Variants in HTT observed in about 807,000 individuals in gnomAD.
The protein encoded by HTT is huntingtin.
HTT carries 104 observed loss-of-function variants against 362.3 expected under a neutral mutation model. The observed-to-expected ratio is 0.29, with a 90% CI of 0.24 to 0.34. The LOEUF is 0.34. HTT is among the 10% of genes least tolerant of loss of function. The probability of loss-of-function intolerance (pLI) is 1.00; values close to 1 mark genes in which losing one functional copy is unlikely to be tolerated. For missense variants in HTT, 3,301 were observed against 3,928.6 expected (o/e 0.84, Z 4.27); for synonymous variants, 1,577 against 1,548.7 (o/e 1.02, Z -0.43).
At chr4:3,077,482 C>A (rs1390169517) in intron 1 of HTT, among the ~76,000 whole-genome samples, 1 of 152,128 alleles carries the variant, frequency 6.6e-6, no homozygotes, top group Non-Finnish European at 1.5e-5. Flanking sequence ...TGCAGTGATA[C>A]AATCTCGGCT....
At chr4:3,216,081 A>G (rs1186743167) in intron 51 of HTT, among the ~76,000 whole-genome samples, 1 of 152,196 alleles carries the variant, frequency 6.6e-6, no homozygotes, top group African/African-American at 2.4e-5. Flanking sequence ...TTCAATCATG[A>G]GTGCACCAGT....
intron 1 of HTT, among the ~76,000 whole-genome samples, chr4:3,077,071 G>C (rs1192021651): frequency 6.6e-6 from 1 of 152,040 alleles, no homozygotes; most frequent in African/African-American, 2.4e-5. Flanking sequence ...CAAGCTACCT[G>C]GGAGGCTGAG....
intron 8 of HTT, among the ~76,000 whole-genome samples, chr4:3,119,589 G>A (rs1487377139): frequency 6.6e-6 from 1 of 152,180 alleles, no homozygotes; most frequent in Non-Finnish European, 1.5e-5. Flanking sequence ...TGATGTGTAA[G>A]ATACATACTG....
chr4:3,239,008 C>T (rs1721680228), intron 66 of HTT, 30 bp downstream of exon 66: 1 of 1,580,064 alleles, frequency 6.3e-7, no homozygotes, highest in Non-Finnish European at 8.6e-7. Context: ...GGTGCTGGCC[C>T]CGTTTCCCTT....
Position 3,206,710 on chromosome 4 carries a change from A to G in HTT, c.5898+35A>G, listed in dbSNP as rs746087672. ...CATCCTGCCGACTATTGCCAGTTGC[A>G]GTTTTCCCTGCCTTAAAAATGGAGT... On this transcript the variant is annotated intron_variant, in intron 43 of 66. Transcript: ENST00000355072. The surrounding 1 kb of genome is among the most constrained non-coding windows in gnomAD (Gnocchi z 4.6). 5.6e-6 allele frequency: 9 copies of G among 1,596,652 alleles called. No individual in the cohort carries two copies. The African/African-American group carries it at 1.2e-4, about 21-fold the overall frequency.
Position 3,143,029 on chromosome 4 carries a change from C to T in HTT, c.3066+143C>T, listed in dbSNP as rs554883309. 1.6e-5 allele frequency: 10 copies of T among 607,742 alleles called. No homozygotes were observed. In the East Asian group the frequency reaches 2.7e-4, roughly 16 times the overall value. The allele number at this position is 607,742 out of a possible 1,614,324, so 37.6% of individuals were successfully genotyped here. ...CCATGAGGCTTGCTAAGAAATTGTG[C>T]TTCTGTGAAAAGAATCTCAGCTTAC... On this transcript the variant is annotated intron_variant, in intron 23 of 66. Coordinates refer to ENST00000355072, the MANE Select transcript of HTT (RefSeq NM_001388492.1).
intron 6 of HTT, among the ~76,000 whole-genome samples, chr4:3,107,951 G>A (rs1714522863): frequency 6.6e-6 from 1 of 152,228 alleles, no homozygotes. Context: ...TGGTAGGTCA[G>A]TCCTGGGTTT....
chr4:3,146,737 GAAGACTGTTGT>G, intron 24 of HTT, 49 bp from the exon 25 acceptor site: 1 of 1,487,526 alleles, frequency 6.7e-7, no homozygotes, highest in Non-Finnish European at 9.4e-7. Flanking sequence ...CAAGAGAAAG[GAAGACTGTTGT>G]TTGCTTAAAA....
At chr4:3,176,672 C>A (rs1241837194) in intron 33 of HTT, among the ~76,000 whole-genome samples, 5 of 152,176 alleles carry the variant, frequency 3.3e-5, no homozygotes, top group Non-Finnish European at 7.3e-5. Flanking sequence ...ATCAACCGGT[C>A]CCCTTTCTCC....
At position 3,165,065 on chromosome 4, in the gene HTT, G is replaced by A. The variant is rs1179974270; in HGVS notation, c.3864+4673G>A. On this transcript the variant is annotated intron_variant, in intron 29 of 66. Coordinates refer to ENST00000355072, the MANE Select transcript of HTT (RefSeq NM_001388492.1). ...GTTTTTGCAGTGGCTGGTACTGGTT[G>A]TTCCTTTCCATGTTTAGTGCTTCCT... Among the ~76,000 whole-genome samples, 4 of 152,286 alleles carry A rather than the reference G, an allele frequency of 2.6e-5. No homozygotes were observed. In the East Asian group the frequency reaches 7.7e-4, roughly 29 times the overall value.
intron 6 of HTT, 29 bp downstream of exon 6, chr4:3,107,452 T>A: frequency 6.2e-7 from 1 of 1,612,414 alleles, no homozygotes; most frequent in Non-Finnish European, 8.5e-7. Context: ...GTCACAAACA[T>A]GCGAGTGATG....
intron 45 of HTT, among the ~76,000 whole-genome samples, chr4:3,207,977 A>T (rs1374962287): frequency 6.6e-6 from 1 of 152,116 alleles, no homozygotes; most frequent in East Asian, 1.9e-4. Context: ...GGAGAGAGAG[A>T]CAGCAGAGAA....
chr4:3,226,765 A>G (rs2237006), intron 57 of HTT, among the ~76,000 whole-genome samples: 60,180 of 152,186 alleles, frequency 0.4, 12,283 homozygotes, highest in Non-Finnish European at 0.42. Flanking sequence ...CAGCCTTCAC[A>G]GCAGAAACCC....
intron 40 of HTT, among the ~76,000 whole-genome samples, chr4:3,197,637 A>G (rs1447874838): frequency 1.3e-5 from 2 of 152,032 alleles, no homozygotes; most frequent in Non-Finnish European, 2.9e-5. Context: ...GCTCCTTATT[A>G]CAGCCCTGCG....
In HTT at chr4:3,243,605, G is replaced by A. The variant is rs527239965; in HGVS notation, c.*3546G>A. ...CCTGTCACGCTCTGGTGCAGTCAAA[G>A]GAACGCCTTCCCCTCAGTTGTTTCT... On this transcript the variant is annotated 3_prime_UTR_variant, in exon 67 of 67. Coordinates refer to ENST00000355072, the MANE Select transcript of HTT (RefSeq NM_001388492.1). 2.0e-5 allele frequency: 3 copies of A among 152,398 alleles called. No individual in the cohort carries two copies. The highest frequency in any genetic ancestry group is 2.0e-4 in the Admixed American group (3 of 15,302). The allele number at this position is 152,398 out of a possible 1,614,324, so 9.4% of individuals were successfully genotyped here. A position where few individuals can be genotyped will look rare whatever the true frequency, so the allele number is the denominator to read the frequency against.
Position 3,130,409 on chromosome 4 carries a change from G to A in HTT, c.1972G>A (p.Asp658Asn), listed in dbSNP as rs1715752151. 6.3e-7 allele frequency: 1 copy of A among 1,591,800 alleles called. No individual in the cohort carries two copies. Among genetic ancestry groups the A allele is most frequent in the Non-Finnish European group, 8.6e-7 (1 of 1,165,032 alleles). The change falls in exon 14 of 67, where the codon GAT (aspartate) becomes AAT (asparagine). Residue 658 changes from aspartate to asparagine, a missense_variant. Around this residue, in one of 4 missense-constraint regions of HTT, gnomAD observed 2,316 missense variants for 2,658.5 expected, o/e 0.87. Transcript: ENST00000355072. ...VLRDEATEPG[D>N]QENKPCRIKG... ...GAGAGATGAAGCTACTGAACCGGGT[G>A]ATCAAGAAAACAAGGTGAGGGACAT... is the stretch of plus-strand genomic sequence containing the variant.
intron 40 of HTT, among the ~76,000 whole-genome samples, chr4:3,194,111 T>C (rs1321859289): frequency 6.6e-6 from 1 of 152,236 alleles, no homozygotes; most frequent in African/African-American, 2.4e-5. Context: ...ATTGGTAATA[T>C]GTATTCACGT....
Position 3,157,212 on chromosome 4 carries a change from G to A in HTT, c.3753+13G>A. The A allele has an allele frequency of 1.2e-6, 2 of 1,604,556 alleles. No individual in the cohort carries two copies. Among genetic ancestry groups the A allele is most frequent in the Non-Finnish European group, 8.5e-7 (1 of 1,176,634 alleles). On this transcript the variant is annotated intron_variant, in intron 28 of 66. Transcript: ENST00000355072. The stretch of plus-strand genomic sequence containing the variant: ...CGCTAACTACAAGGTATGGGCCTCT[G>A]CATCTTTTAAAAATATATATGCACA...
chr4:3,236,043 C>A, intron 63 of HTT, 106 bp from the exon 64 acceptor site: 1 of 875,108 alleles, frequency 1.1e-6, no homozygotes, highest in Non-Finnish European at 1.9e-6. Flanking sequence ...ATATCACCTG[C>A]TTTCAGATCT....
Sources: allele counts gnomAD v4.1 joint callset (sites outside exome capture counted in the v4.1 genomes callset), GRCh38; gene constraint gnomAD v4.1.1; regional missense constraint gnomAD v4.1.1; non-coding constraint Gnocchi (gnomAD v3.1); transcripts MANE v1.5; gene names NCBI Gene and HGNC (gene_info 2026-07-23, HGNC 2026-07-21).